NFKB1: variants seen among roughly 807,000 people sequenced by gnomAD.
The protein encoded by NFKB1 is nuclear factor NF-kappa-B p105 subunit.
Under a neutral mutation model 105.1 loss-of-function variants are expected in NFKB1, and 9 were observed. The observed-to-expected ratio is 0.09, with a 90% CI of 0.05 to 0.15. The LOEUF (loss-of-function observed/expected upper bound fraction) is 0.15, where lower values mean the gene tolerates loss of function less well. NFKB1 is among the 10% of genes least tolerant of loss of function. The pLI is 1.00. For synonymous variants in NFKB1, 440 were observed against 442.2 expected (o/e 1.00, Z 0.06); for missense variants, 830 against 1,203.7 (o/e 0.69, Z 4.59).
intron 1 of NFKB1, among the ~76,000 whole-genome samples, chr4:102,504,232 G>A (rs148357573): frequency 8.7e-4 from 132 of 152,268 alleles, no homozygotes; most frequent in African/African-American, 3.1e-3. Flanking sequence ...TCGGGTCTTA[G>A]TAGATGTGCT....
At chr4:102,507,594 G>T (rs1250917167) in intron 1 of NFKB1, among the ~76,000 whole-genome samples, 1 of 152,024 alleles carries the variant, frequency 6.6e-6, no homozygotes, top group Non-Finnish European at 1.5e-5. Context: ...GAGCCACCTA[G>T]CTTGGCCAAG....
In NFKB1 at chr4:102,612,452, C is replaced by T; in HGVS notation, c.2438C>T (p.Ala813Val). Residue 813 changes from alanine to valine, a missense_variant, in exon 22 of 24, where the codon GCT (alanine) becomes GTT (valine). Ala to Val is a moderately conservative substitution (Grantham distance 64, BLOSUM62 0). Coordinates refer to ENST00000226574, the MANE Select transcript of NFKB1 (RefSeq NM_003998.4). Reference sequence around the variant, plus strand: ...CCTTCAGGAGACATGAAACAGCTGGCTGAAGATGTGAAGCTGCAGCTGTAT... The same window carrying T: ...CCTTCAGGAGACATGAAACAGCTGGTTGAAGATGTGAAGCTGCAGCTGTAT... ...LLAQGDMKQL[A>V]EDVKLQLYKL... 3.1e-6 allele frequency: 5 copies of T among 1,613,062 alleles called. No individual in the cohort carries two copies. The highest frequency in any genetic ancestry group is 4.2e-6 in the Non-Finnish European group (5 of 1,179,992).
At chr4:102,577,494 C>T (rs1452715154) in intron 7 of NFKB1, among the ~76,000 whole-genome samples, 2 of 152,180 alleles carry the variant, frequency 1.3e-5, no homozygotes, top group Non-Finnish European at 2.9e-5. Flanking sequence ...TTGGGCTCTG[C>T]AGACACATTA....
At chr4:102,591,338 T>G (rs2149200816) in intron 11 of NFKB1, among the ~76,000 whole-genome samples, 1 of 149,056 alleles carries the variant, frequency 6.7e-6, no homozygotes, top group South Asian at 2.1e-4. Context: ...GAGGATCACT[T>G]GAACACAGAA....
intron 2 of NFKB1, among the ~76,000 whole-genome samples, chr4:102,528,600 C>T (rs1167405769): frequency 2.0e-5 from 3 of 152,138 alleles, no homozygotes; most frequent in Non-Finnish European, 4.4e-5. Flanking sequence ...ACTAGTCTCT[C>T]ATAAAAAGTA....
In NFKB1 at chr4:102,574,126, T is replaced by C. The variant is rs1301327028; in HGVS notation, c.408-2750T>C. ...TTTGTATCGTTAAGTCTTGGATTCC[T>C]TTTTTTTTTTTTTTTTTTGATGTGC... On this transcript the variant is annotated intron_variant, in intron 6 of 23. Coordinates refer to ENST00000226574, the MANE Select transcript of NFKB1 (RefSeq NM_003998.4). Among the ~76,000 whole-genome samples, 4 of 22,092 alleles carry C rather than the reference T, an allele frequency of 1.8e-4. No individual in the cohort carries two copies. In the East Asian group the frequency reaches 3.5e-3, roughly 19 times the overall value. 14.5% of individuals were successfully genotyped at this position (22,092 alleles called of 152,430 possible). A position where few individuals can be genotyped will look rare whatever the true frequency, so the allele number is the denominator to read the frequency against.
At chr4:102,578,245 CCTT>C (rs1725027586) in intron 7 of NFKB1, 1 of 152,538 alleles carries the variant, frequency 6.6e-6, no homozygotes, top group Admixed American at 6.5e-5. Flanking sequence ...TGAACTCTCT[CCTT>C]CTTTGAAATC....
intron 9 of NFKB1, among the ~76,000 whole-genome samples, chr4:102,582,501 G>T (rs187676303): frequency 6.6e-6 from 1 of 152,250 alleles, no homozygotes; most frequent in East Asian, 1.9e-4. Flanking sequence ...TTATTTTTAT[G>T]TACATCTATA....
chr4:102,612,410 G>A lies in NFKB1; in HGVS notation c.2420-24G>A, dbSNP rs143080122. ...GTGTCTATGGCATGTTAGAACAAGT[G>A]TGTTCCTTCTTCATTTCCTTCAGGA... On this transcript the variant is annotated intron_variant, in intron 21 of 23. Coordinates refer to ENST00000226574, the MANE Select transcript of NFKB1 (RefSeq NM_003998.4). The A allele has an allele frequency of 1.4e-5, 22 of 1,607,304 alleles. No individual in the cohort carries two copies. The East Asian group carries it at 3.3e-4, about 24-fold the overall frequency.
At chr4:102,593,003 CT>C (rs1219933092) in intron 11 of NFKB1, among the ~76,000 whole-genome samples, 8 of 151,904 alleles carry the variant, frequency 5.3e-5, no homozygotes, top group Non-Finnish European at 7.4e-5. Context: ...TTATGTCATG[CT>C]TTTTTTTATT....
At chr4:102,602,658 G>T (rs1463098940) in intron 16 of NFKB1, among the ~76,000 whole-genome samples, 1 of 152,084 alleles carries the variant, frequency 6.6e-6, no homozygotes, top group African/African-American at 2.4e-5. Context: ...TTTCCTGATA[G>T]GGGAAAATGA....
intron 1 of NFKB1, among the ~76,000 whole-genome samples, chr4:102,511,754 A>T (rs1243140847): frequency 6.6e-6 from 1 of 152,228 alleles, no homozygotes; most frequent in Non-Finnish European, 1.5e-5. Context: ...ATAGCTAAAA[A>T]AGTACACAAA....
intron 1 of NFKB1, among the ~76,000 whole-genome samples, chr4:102,519,027 G>C (rs113415745): frequency 6.6e-6 from 1 of 152,168 alleles, no homozygotes; most frequent in African/African-American, 2.4e-5. Flanking sequence ...CTCTTGTTGA[G>C]TGGCATATAA....
At position 102,595,988 on chromosome 4, in the gene NFKB1, G is replaced by T. The variant is rs1007235078; in HGVS notation, c.1301-150G>T. The T allele has an allele frequency of 8.6e-6, 4 of 463,722 alleles. No homozygotes were observed. In the Admixed American group the frequency reaches 1.5e-4, roughly 17 times the overall value. The allele number at this position is 463,722 out of a possible 1,614,324, so 28.7% of individuals were successfully genotyped here. A position where few individuals can be genotyped will look rare whatever the true frequency, so the allele number is the denominator to read the frequency against. On this transcript the variant is annotated intron_variant, in intron 13 of 23. Transcript: ENST00000226574. ...CTCCAAAACATGGTATTTATGATAT[G>T]ACCATTTTTAAAAGAATTTTAAATT...
At chr4:102,505,762 T>C (rs748968861) in intron 1 of NFKB1, among the ~76,000 whole-genome samples, 1 of 152,266 alleles carries the variant, frequency 6.6e-6, no homozygotes, top group Non-Finnish European at 1.5e-5. Flanking sequence ...TAAAAATAAA[T>C]AATATCTAAT....
In NFKB1 at chr4:102,612,142, CATT is replaced by C. The variant is rs771375640; in HGVS notation, c.2419+38_2419+40del. On this transcript the variant is annotated intron_variant, in intron 21 of 23. Transcript: ENST00000226574. ...TGTGATAAAACCAGATTCTCTTAAC[CATT>C]ATTATCTCCACACTGTCATTTAAAG... The C allele has an allele frequency of 8.3e-6, 13 of 1,559,902 alleles. 1 individual carries two copies. In the South Asian group the frequency reaches 1.4e-4, roughly 17 times the overall value.
intron 19 of NFKB1, among the ~76,000 whole-genome samples, 198 bp downstream of exon 19, chr4:102,607,949 A>T (rs1727974119): frequency 6.6e-6 from 1 of 152,216 alleles, no homozygotes; most frequent in Admixed American, 6.5e-5. Context: ...CTTTACCCTG[A>T]TAGTCATTTT....
At chr4:102,536,428 G>T (rs230528) in intron 4 of NFKB1, among the ~76,000 whole-genome samples, 89,245 of 151,870 alleles carry the variant, frequency 0.59, 26,399 homozygotes, top group Middle Eastern at 0.71. Flanking sequence ...ATTTACTTTA[G>T]GCCTTACTTA....
rs1244029598 is a variant in NFKB1, at chr4:102,525,700, T to C, written c.39+143T>C. On this transcript the variant is annotated intron_variant, in intron 2 of 23. Coordinates refer to ENST00000226574, the MANE Select transcript of NFKB1 (RefSeq NM_003998.4). ...TAATTTCAGTTTCTCTGTCCTTTCA[T>C]GTGAAGTTGGAGAGGATATGTCATG... The C allele has an allele frequency of 4.1e-6, 3 of 727,490 alleles. No homozygotes were observed. The African/African-American group carries it at 5.4e-5, about 13-fold the overall frequency. 45.1% of individuals were successfully genotyped at this position (727,490 alleles called of 1,614,324 possible). A position where few individuals can be genotyped will look rare whatever the true frequency, so the allele number is the denominator to read the frequency against.
Sources: allele counts gnomAD v4.1 joint callset (sites outside exome capture counted in the v4.1 genomes callset), GRCh38; gene constraint gnomAD v4.1.1; transcripts MANE v1.5; gene names NCBI Gene and HGNC (gene_info 2026-07-23, HGNC 2026-07-21).